The following PCDHGA2 variants were observed in gnomAD, a reference collection of about 807,000 sequenced individuals.
PCDHGA2 encodes protocadherin gamma subfamily A, 2, also known as protocadherin gamma-A2.
A neutral mutation model predicts 59.2 loss-of-function variants in PCDHGA2; 40 were observed. The ratio of observed to expected loss-of-function variants is 0.68; its 90% CI spans 0.52 to 0.88. The LOEUF is 0.88. PCDHGA2 is among the 40% of genes least tolerant of loss of function. The pLI is 0.00. For missense variants in PCDHGA2, 1,226 were observed against 1,204.0 expected, an observed-to-expected ratio of 1.02 and a Z score of -0.27; for synonymous variants, 560 against 526.0, an observed-to-expected ratio of 1.06 and a Z score of -0.89.
intron 1 of PCDHGA2, chr5:141,399,118 A>G: frequency 6.2e-7 from 1 of 1,613,822 alleles, no homozygotes; most frequent in Non-Finnish European, 8.5e-7. Context: ...TACAGTTGAA[A>G]TTAATATTCA....
intron 1 of PCDHGA2, chr5:141,427,811 C>T (rs1335555425): frequency 6.6e-7 from 1 of 1,523,180 alleles, no homozygotes; most frequent in Admixed American, 1.7e-5. Flanking sequence ...GCGCACAGAG[C>T]GGGGTGGTGG....
At position 141,482,530 on chromosome 5, in the gene PCDHGA2, C is replaced by CAA. The variant is rs3074545; in HGVS notation, c.2425-12259_2425-12258dup. ...CAGAGTACAGTATGAGACAGACATG[C>CAA]AAAAAAAAAAAAAAAAAAAGATAAT... On this transcript the variant is annotated intron_variant, in intron 1 of 3. Transcript: ENST00000394576. Among the ~76,000 whole-genome samples the CAA allele has an allele frequency of 5.5e-3, 422 of 76,516 alleles. 18 individuals are homozygous for CAA. Among genetic ancestry groups the CAA allele is most frequent in the African/African-American group, 0.016 (343 of 20,862 alleles). The allele number at this position is 76,516 out of a possible 152,430, so 50.2% of individuals were successfully genotyped here.
At chr5:141,426,004 C>T (rs573455573) in intron 1 of PCDHGA2, among the ~76,000 whole-genome samples, 10 of 152,264 alleles carry the variant, frequency 6.6e-5, no homozygotes, top group Non-Finnish European at 8.8e-5. Flanking sequence ...CAAAGGCTTC[C>T]GGCTGCAGTT....
chr5:141,444,281 C>T (rs1256106299), intron 1 of PCDHGA2, among the ~76,000 whole-genome samples: 1 of 146,976 alleles, frequency 6.8e-6, no homozygotes, highest in African/African-American at 2.5e-5. Context: ...AAGTGATTCT[C>T]CTGCCTCAGC....
At chr5:141,404,806 G>T (rs774487660) in intron 1 of PCDHGA2, 2 of 1,613,992 alleles carry the variant, frequency 1.2e-6, no homozygotes, top group South Asian at 1.1e-5. Context: ...GGCTCTTCTC[G>T]GTGGGGCTGC....
chr5:141,433,106 G>C, intron 1 of PCDHGA2: 1 of 1,614,170 alleles, frequency 6.2e-7, no homozygotes, highest in Non-Finnish European at 8.5e-7. Flanking sequence ...CGTCAGCCAG[G>C]AGAGCTTTGA....
chr5:141,477,678 C>A lies in PCDHGA2; in HGVS notation c.2425-17129C>A, dbSNP rs967769574. 1 of 1,614,182 alleles carries A rather than the reference C, an allele frequency of 6.2e-7. No individual in the cohort carries two copies. The highest frequency in any genetic ancestry group is 1.3e-5 in the African/African-American group (1 of 75,054). ...AATCGTGACAATGGCATAGTGTCAT[C>A]CTTAGTGCCCCTAGACTATGAGGAT... is the stretch of plus-strand genomic sequence containing the variant. On this transcript the variant is annotated intron_variant, in intron 1 of 3. Transcript: ENST00000394576. The surrounding 1 kb of genome is among the most constrained non-coding windows in gnomAD (Gnocchi z 4.9).
intron 1 of PCDHGA2, chr5:141,384,978 G>C (rs1394445835): frequency 6.2e-7 from 1 of 1,614,032 alleles, no homozygotes; most frequent in Non-Finnish European, 8.5e-7. Context: ...CGTTGTACCT[G>C]GTGGTGGCGG....
chr5:141,403,182 T>G (rs1458009956), intron 1 of PCDHGA2: 1 of 1,613,858 alleles, frequency 6.2e-7, no homozygotes, highest in Non-Finnish European at 8.5e-7. Context: ...CTTTTCTCTC[T>G]GAACCCGCGC....
chr5:141,499,401 C>A lies in PCDHGA2; in HGVS notation c.2483+4536C>A, dbSNP rs115575614. ...TTCCACTTATAAAATAGTACATGCTCATTATAGAAACATGAAAAATAGAAA... is the reference window on the plus strand; with the variant it reads ...TTCCACTTATAAAATAGTACATGCTAATTATAGAAACATGAAAAATAGAAA... On this transcript the variant is annotated intron_variant, in intron 2 of 3. Coordinates refer to ENST00000394576, the MANE Select transcript of PCDHGA2 (RefSeq NM_018915.4). Among the ~76,000 whole-genome samples, 871 of 152,186 alleles carry A rather than the reference C, an allele frequency of 5.7e-3. 5 individuals are homozygous for A. Among genetic ancestry groups the A allele is most frequent in the African/African-American group, 0.02 (847 of 41,502 alleles).
intron 1 of PCDHGA2, chr5:141,405,646 T>G: frequency 1.9e-6 from 1 of 526,208 alleles, no homozygotes; most frequent in East Asian, 3.2e-5. Flanking sequence ...GGCTAATTTT[T>G]TGTGTGTTTT....
intron 1 of PCDHGA2, chr5:141,423,302 T>G (rs1221185261): frequency 6.2e-7 from 1 of 1,614,144 alleles, no homozygotes. Context: ...GACCTCTCGC[T>G]GTACTTGGTG....
chr5:141,447,301 G>A (rs557269538), intron 1 of PCDHGA2, among the ~76,000 whole-genome samples: 39 of 152,060 alleles, frequency 2.6e-4, no homozygotes, highest in Non-Finnish European at 1.5e-4. Flanking sequence ...CACCACACCC[G>A]GCTAATTTTT....
intron 1 of PCDHGA2, chr5:141,409,073 A>G (rs200127436): frequency 6.2e-7 from 1 of 1,613,866 alleles, no homozygotes. Context: ...CACAAAACAT[A>G]TGTTCTCATT....
At chr5:141,372,987 A>T (rs1769224200) in intron 1 of PCDHGA2, 5 of 640,814 alleles carry the variant, frequency 7.8e-6, no homozygotes, top group Non-Finnish European at 1.0e-5. Flanking sequence ...TCTGTGTTGC[A>T]GTTGTTCTTT....
In PCDHGA2 at chr5:141,505,352, C is replaced by T. The variant is rs371829394; in HGVS notation, c.2484-41C>T. 1.5e-5 allele frequency: 25 copies of T among 1,613,302 alleles called. No individual in the cohort carries two copies. In the South Asian group the frequency reaches 2.7e-4, roughly 18 times the overall value. ...AGGACAGGAGGGGCATGAGCTGTGCCGGCCTGGGAGTCTGTGCTCACCATC... is the reference window on the plus strand; with the variant it reads ...AGGACAGGAGGGGCATGAGCTGTGCTGGCCTGGGAGTCTGTGCTCACCATC... On this transcript the variant is annotated intron_variant, in intron 2 of 3. Transcript: ENST00000394576.
At chr5:141,355,336 G>A (rs1759805102) in intron 1 of PCDHGA2, 1 of 1,613,888 alleles carries the variant, frequency 6.2e-7, no homozygotes, top group African/African-American at 1.3e-5. Flanking sequence ...CTCAGTGGTG[G>A]GCAACATCGC....
chr5:141,400,645 G>A, intron 1 of PCDHGA2: 1 of 1,239,756 alleles, frequency 8.1e-7, no homozygotes, highest in Non-Finnish European at 1.2e-6. Context: ...TGCTCAGAAA[G>A]CTGTCCTACC....
At chr5:141,360,259 G>T (rs1480469675) in intron 1 of PCDHGA2, 1 of 1,613,964 alleles carries the variant, frequency 6.2e-7, no homozygotes, top group South Asian at 1.1e-5. Flanking sequence ...AGAGGAGCTG[G>T]CCAAAAACTC....
Sources: allele counts gnomAD v4.1 joint callset (sites outside exome capture counted in the v4.1 genomes callset), GRCh38; gene constraint gnomAD v4.1.1; non-coding constraint Gnocchi (gnomAD v3.1); transcripts MANE v1.5; gene names NCBI Gene and HGNC (gene_info 2026-07-23, HGNC 2026-07-21).